STX8: variants seen among roughly 807,000 people sequenced by gnomAD.
STX8 encodes the protein syntaxin 8.
STX8 carries 23 observed loss-of-function variants against 37.5 expected under a neutral mutation model. The ratio of observed to expected loss-of-function variants is 0.61; its 90% CI spans 0.44 to 0.87. STX8 has a LOEUF of 0.87. Ranked by LOEUF, STX8 falls within the 40% of genes least tolerant of loss-of-function variation. The pLI is 0.00. For missense variants in STX8, 313 were observed against 284.7 expected (o/e 1.10, Z -0.71); for synonymous variants, 115 against 99.1 (o/e 1.16, Z -0.95).
intron 7 of STX8, among the ~76,000 whole-genome samples, chr17:9,335,940 T>C (rs1295563589): frequency 2.0e-5 from 3 of 152,138 alleles, no homozygotes; most frequent in African/African-American, 7.2e-5. Context: ...TATATGGCTA[T>C]GTGTTTATTG....
chr17:9,362,719 G>C (rs1911099265), intron 7 of STX8, among the ~76,000 whole-genome samples: 1 of 151,858 alleles, frequency 6.6e-6, no homozygotes, highest in Non-Finnish European at 1.5e-5. Context: ...CTACTAGGGA[G>C]GTTGAGGCAG....
At chr17:9,554,235 G>C (rs897126872) in intron 3 of STX8, 3 of 152,292 alleles carry the variant, frequency 2.0e-5, no homozygotes, top group African/African-American at 7.3e-5. Flanking sequence ...ACTCTAGCCT[G>C]GGTGACAGAG....
At chr17:9,410,328 A>G (rs1912938638) in intron 6 of STX8, among the ~76,000 whole-genome samples, 2 of 152,260 alleles carry the variant, frequency 1.3e-5, no homozygotes, top group South Asian at 4.1e-4. Context: ...AAAATTAAAT[A>G]GCAAATTTTA....
intron 7 of STX8, among the ~76,000 whole-genome samples, chr17:9,305,293 A>G (rs1382345053): frequency 6.6e-6 from 1 of 151,902 alleles, no homozygotes; most frequent in African/African-American, 2.4e-5. Flanking sequence ...GGGTTGCACC[A>G]TGTTGGCCAG....
Position 9,575,792 on chromosome 17 carries a change from CAG to C in STX8, c.15_16del (p.Trp6ValfsTer16). ...ACCGCCGCCCTCACCCGGGACTCACCAGGGGTCCGGTGCCATCCTGCAGACTC... is the reference window on the plus strand; with the variant it reads ...ACCGCCGCCCTCACCCGGGACTCACCGGGTCCGGTGCCATCCTGCAGACTC... On this transcript the variant is annotated frameshift_variant and splice_region_variant, in exon 1 of 8. Transcript: ENST00000306357. LOFTEE classifies it high-confidence loss of function. The C allele has an allele frequency of 6.5e-7, 1 of 1,543,648 alleles. No individual in the cohort carries two copies.
intron 6 of STX8, among the ~76,000 whole-genome samples, chr17:9,488,810 G>C (rs1310217950): frequency 2.1e-5 from 2 of 96,900 alleles, no homozygotes; most frequent in South Asian, 7.8e-4. Context: ...AAGAGAGAGA[G>C]AGAGAGAGAG....
intron 6 of STX8, among the ~76,000 whole-genome samples, chr17:9,476,174 G>T (rs527570514): frequency 2.0e-5 from 3 of 152,132 alleles, no homozygotes; most frequent in Admixed American, 1.3e-4. Flanking sequence ...GCGAGACTCC[G>T]TCTCAGAAAA....
At chr17:9,362,324 CAACA>C (rs947882359) in intron 7 of STX8, among the ~76,000 whole-genome samples, 2 of 152,010 alleles carry the variant, frequency 1.3e-5, no homozygotes, top group Non-Finnish European at 2.9e-5. Context: ...GACTCTGTCT[CAACA>C]AACAAACAAA....
At chr17:9,528,322 G>A (rs1026133612) in intron 4 of STX8, among the ~76,000 whole-genome samples, 10 of 152,188 alleles carry the variant, frequency 6.6e-5, no homozygotes, top group South Asian at 2.1e-4. Flanking sequence ...TTTTTGACAC[G>A]GACTCTCGCT....
intron 4 of STX8, among the ~76,000 whole-genome samples, chr17:9,540,434 G>A (rs1229182369): frequency 4.6e-5 from 7 of 152,142 alleles, no homozygotes; most frequent in Admixed American, 2.0e-4. Context: ...ACAAGCATAT[G>A]CGGACATGTT....
At chr17:9,444,857 A>G (rs1037242819) in intron 6 of STX8, among the ~76,000 whole-genome samples, 1 of 152,044 alleles carries the variant, frequency 6.6e-6, no homozygotes, top group African/African-American at 2.4e-5. Flanking sequence ...ATTGAAACAG[A>G]CTCTTTCTTT....
intron 6 of STX8, among the ~76,000 whole-genome samples, chr17:9,431,857 C>G (rs1166498232): frequency 6.6e-6 from 1 of 152,144 alleles, no homozygotes; most frequent in African/African-American, 2.4e-5. Flanking sequence ...AACCTCCCTT[C>G]CTTTTCCTTT....
Position 9,420,115 on chromosome 17 carries a change from A to G in STX8, c.542-41462T>C, listed in dbSNP as rs528187659. Among the ~76,000 whole-genome samples the G allele has an allele frequency of 3.9e-5, 6 of 152,358 alleles. No homozygotes were observed. In the East Asian group the frequency reaches 9.6e-4, roughly 24 times the overall value. ...CTTACAACATTCTTGGTGAAAAATT[A>G]GAAAAGCATGAGCTCAATGTGTATT... On this transcript the variant is annotated intron_variant, in intron 6 of 7. Transcript: ENST00000306357.
At chr17:9,369,696 A>G (rs1233203789) in intron 7 of STX8, among the ~76,000 whole-genome samples, 1 of 150,096 alleles carries the variant, frequency 6.7e-6, no homozygotes. Flanking sequence ...GTTTGAGACC[A>G]GCCTGGGCAA....
At chr17:9,316,685 T>TCAA (rs1171541439) in intron 7 of STX8, among the ~76,000 whole-genome samples, 1 of 152,190 alleles carries the variant, frequency 6.6e-6, no homozygotes, top group African/African-American at 2.4e-5. Context: ...AATGAAGTGT[T>TCAA]TCTTGGAGTT....
intron 3 of STX8, among the ~76,000 whole-genome samples, chr17:9,547,642 A>AAAAAAAAAAAAAAAAAAAG: frequency 8.6e-6 from 1 of 115,846 alleles, no homozygotes; most frequent in Non-Finnish European, 1.7e-5. Flanking sequence ...AAAAAAAAGA[A>AAAAAAAAAAAAAAAAAAAG]AAAAGAAAAG....
chr17:9,368,117 G>C (rs757311994), intron 7 of STX8, among the ~76,000 whole-genome samples: 3 of 152,042 alleles, frequency 2.0e-5, no homozygotes, highest in Non-Finnish European at 4.4e-5. Context: ...TAAAACATTA[G>C]GCAAATAAGT....
chr17:9,561,235 A>G (rs1907218585), intron 2 of STX8, among the ~76,000 whole-genome samples: 1 of 152,240 alleles, frequency 6.6e-6, no homozygotes, highest in Non-Finnish European at 1.5e-5. Context: ...ATAATTTCAA[A>G]TAAAATTTAA....
intron 2 of STX8, among the ~76,000 whole-genome samples, chr17:9,561,392 G>C (rs1433495257): frequency 6.6e-6 from 1 of 152,058 alleles, no homozygotes; most frequent in East Asian, 1.9e-4. Context: ...AGCACGGTGG[G>C]TCACGCTTGT....
Sources: gnomAD v4.1 joint callset for allele counts (sites outside exome capture counted in the v4.1 genomes callset) on GRCh38, gnomAD v4.1.1 for gene constraint, MANE v1.5 for transcripts, NCBI Gene and HGNC (gene_info 2026-07-23, HGNC 2026-07-21) for gene names.